COBL: variants seen among roughly 807,000 people sequenced by gnomAD.
The protein encoded by COBL is protein cordon-bleu.
A neutral mutation model predicts 98.8 loss-of-function variants in COBL; 51 were observed. That is an observed-to-expected ratio of 0.52 (90% CI 0.41 to 0.65). The LOEUF is 0.65. Among genes scored for constraint, COBL ranks in the 30% least tolerant of loss-of-function variants. COBL has a pLI of 0.00. For synonymous variants in COBL, 634 were observed against 651.7 expected, an observed-to-expected ratio of 0.97 and a Z score of 0.41; for missense variants, 1,617 against 1,617.5, an observed-to-expected ratio of 1.00 and a Z score of 0.01.
chr7:51,193,591 TG>T lies in COBL; in HGVS notation c.246-3del. 1 of 1,613,310 alleles carries T rather than the reference TG, an allele frequency of 6.2e-7. No homozygotes were observed. Among genetic ancestry groups the T allele is most frequent in the Non-Finnish European group, 8.5e-7 (1 of 1,179,530 alleles). On this transcript the variant is annotated splice_polypyrimidine_tract_variant and splice_region_variant and intron_variant, in intron 2 of 12. Coordinates refer to ENST00000265136, the MANE Select transcript of COBL (RefSeq NM_015198.5). ...ACCAGTAGGTCCATCATCGCATGGC[TG>T]AAAAAAGGAAAACAAATCATGATTA...
intron 7 of COBL, chr7:51,083,118 C>T (rs1793836234): frequency 6.5e-7 from 1 of 1,532,834 alleles, no homozygotes; most frequent in Admixed American, 2.0e-5. Context: ...CTGAGAGGCT[C>T]CACCACGTCT....
At chr7:51,237,946 AG>A (rs1348567970) in intron 1 of COBL, among the ~76,000 whole-genome samples, 2 of 152,216 alleles carry the variant, frequency 1.3e-5, no homozygotes, top group African/African-American at 2.4e-5. Context: ...CTGATGTCAC[AG>A]GTGGCTCTGT....
chr7:51,138,514 C>A (rs1243958443), intron 5 of COBL, among the ~76,000 whole-genome samples: 1 of 152,128 alleles, frequency 6.6e-6, no homozygotes, highest in African/African-American at 2.4e-5. Context: ...TGTACAAACA[C>A]CCCCAGATCC....
intron 1 of COBL, among the ~76,000 whole-genome samples, chr7:51,222,049 C>T (rs538522912): frequency 1.3e-4 from 20 of 152,088 alleles, no homozygotes; most frequent in African/African-American, 2.9e-4. Flanking sequence ...ATTAGCCAGG[C>T]GTGGTGGCAG....
In COBL at chr7:51,028,246, A is replaced by T. The variant is rs776845893; in HGVS notation, c.2850T>A (p.Pro950=). The change falls in exon 10 of 13, where the codon CCT becomes CCA. Residue 950 remains proline, a synonymous_variant. Coordinates refer to ENST00000265136, the MANE Select transcript of COBL (RefSeq NM_015198.5). ...TGTGTGGGCCAATGACCTCCCCCCT[A>T]GGAGGGGCTCCCACTGCCAAATCTT... The part of the protein sequence containing the change: ...HGEDLAVGAP[P]RGEVIGPHRK... 19 of 1,613,800 alleles carry T rather than the reference A, an allele frequency of 1.2e-5. No homozygotes were observed. The highest frequency in any genetic ancestry group is 1.6e-5 in the Non-Finnish European group (19 of 1,179,868).
At chr7:51,294,472 A>C (rs893349528) in intron 1 of COBL, among the ~76,000 whole-genome samples, 3 of 150,990 alleles carry the variant, frequency 2.0e-5, no homozygotes, top group Non-Finnish European at 4.4e-5. Context: ...ATTTCTACTA[A>C]AAATACAAAA....
chr7:51,232,012 G>A (rs989751274), intron 1 of COBL, among the ~76,000 whole-genome samples: 5 of 152,214 alleles, frequency 3.3e-5, no homozygotes, highest in African/African-American at 1.2e-4. Context: ...GAGAGCTTCA[G>A]CTGGATGTGG....
chr7:51,027,609 T>C, intron 10 of COBL, 103 bp downstream of exon 10: 2 of 992,516 alleles, frequency 2.0e-6, no homozygotes, highest in Admixed American at 4.8e-5. Flanking sequence ...ACTGTTATCC[T>C]AATCCCGTCT....
At chr7:51,228,346 T>G (rs1215680536) in intron 1 of COBL, among the ~76,000 whole-genome samples, 1 of 151,504 alleles carries the variant, frequency 6.6e-6, no homozygotes, top group Admixed American at 6.6e-5. Context: ...ACTCAATGAC[T>G]GGTGGTAATT....
intron 5 of COBL, chr7:51,172,641 C>A: frequency 3.3e-6 from 2 of 609,258 alleles, no homozygotes; most frequent in Non-Finnish European, 4.8e-6. Context: ...AGGCAGCAAA[C>A]CCTTCACTTA....
At chr7:51,167,392 G>A (rs1163511544) in intron 5 of COBL, among the ~76,000 whole-genome samples, 2 of 151,962 alleles carry the variant, frequency 1.3e-5, no homozygotes, top group African/African-American at 4.8e-5. Flanking sequence ...CTAAAGAAGT[G>A]AAAGATCTCT....
chr7:51,019,432 G>A (rs1268400236), intron 12 of COBL, among the ~76,000 whole-genome samples: 1 of 152,128 alleles, frequency 6.6e-6, no homozygotes, highest in Non-Finnish European at 1.5e-5. Context: ...GCATTATGAA[G>A]GAAAAATTAT....
intron 2 of COBL, among the ~76,000 whole-genome samples, chr7:51,203,221 G>C (rs1452103352): frequency 7.2e-6 from 1 of 139,760 alleles, no homozygotes; most frequent in Non-Finnish European, 1.5e-5. Context: ...AAAAACTCTT[G>C]GGAGGCCGAG....
chr7:51,064,294 G>T (rs970802540), intron 7 of COBL: 3 of 149,850 alleles, frequency 2.0e-5, no homozygotes, highest in African/African-American at 7.4e-5. Context: ...CATTAACTCA[G>T]CTTGAGTGGC....
At chr7:51,082,245 G>T (rs1482546612) in intron 7 of COBL, among the ~76,000 whole-genome samples, 1 of 152,210 alleles carries the variant, frequency 6.6e-6, no homozygotes, top group African/African-American at 2.4e-5. Flanking sequence ...CGCATGCACA[G>T]TGATATTGCG....
intron 7 of COBL, among the ~76,000 whole-genome samples, chr7:51,052,278 C>T (rs1345925205): frequency 2.0e-5 from 3 of 152,170 alleles, no homozygotes; most frequent in Non-Finnish European, 1.5e-5. Flanking sequence ...TCATTCAAAC[C>T]TCATAAAAAA....
At chr7:51,094,850 T>G (rs1795131735) in intron 6 of COBL, among the ~76,000 whole-genome samples, 1 of 152,158 alleles carries the variant, frequency 6.6e-6, no homozygotes, top group South Asian at 2.1e-4. Flanking sequence ...AATATGTACT[T>G]TGTGACATCA....
chr7:51,227,051 G>A (rs1794271499), intron 1 of COBL, among the ~76,000 whole-genome samples: 1 of 152,072 alleles, frequency 6.6e-6, no homozygotes, highest in African/African-American at 2.4e-5. Context: ...AACAAGCACC[G>A]GGGTTCCTGG....
intron 12 of COBL, 130 bp downstream of exon 12, chr7:51,024,979 C>T (rs1467420331): frequency 1.2e-5 from 15 of 1,227,970 alleles, no homozygotes; most frequent in East Asian, 4.7e-5. Flanking sequence ...ACAGTGACGC[C>T]GGCTCTCTCT....
Sources: allele counts gnomAD v4.1 joint callset (sites outside exome capture counted in the v4.1 genomes callset), GRCh38; gene constraint gnomAD v4.1.1; transcripts MANE v1.5; gene names NCBI Gene and HGNC (gene_info 2026-07-23, HGNC 2026-07-21).